Variants in KCNH8 observed in about 807,000 individuals in gnomAD.
KCNH8 encodes the protein potassium voltage-gated channel subfamily H member 8.
Under a neutral mutation model 103.6 loss-of-function variants are expected in KCNH8, and 70 were observed. That is an observed-to-expected ratio of 0.68 (90% CI 0.56 to 0.82). KCNH8 has a LOEUF of 0.82. Ranked by LOEUF, KCNH8 falls within the 40% of genes least tolerant of loss-of-function variation. The pLI, the probability that KCNH8 is intolerant of heterozygous loss-of-function variation, is 0.00. For synonymous variants in KCNH8, 498 were observed against 489.4 expected (o/e 1.02, Z -0.23); for missense variants, 1,217 against 1,329.9 (o/e 0.92, Z 1.32).
Position 19,217,528 on chromosome 3 carries a change from C to T in KCNH8, c.77-36126C>T, listed in dbSNP as rs560807439. Among the ~76,000 whole-genome samples, 3 of 152,236 alleles carry T rather than the reference C, an allele frequency of 2.0e-5. No homozygotes were observed. The East Asian group carries it at 5.8e-4, about 29-fold the overall frequency. On this transcript the variant is annotated intron_variant, in intron 1 of 15. Transcript: ENST00000328405. ...TTAACAAATACTTACATAATATTTA[C>T]AGAGTGCCAAGCATTTCCTAGGCCT...
chr3:19,319,778 T>C (rs1185492163), intron 3 of KCNH8, among the ~76,000 whole-genome samples: 2 of 152,272 alleles, frequency 1.3e-5, no homozygotes, highest in East Asian at 3.9e-4. Flanking sequence ...TTTCACAATA[T>C]TGATTCTACC....
intron 1 of KCNH8, among the ~76,000 whole-genome samples, chr3:19,173,253 A>C (rs1029955368): frequency 1.3e-5 from 2 of 152,064 alleles, no homozygotes; most frequent in African/African-American, 4.8e-5. Flanking sequence ...TGAGACAGTG[A>C]CTTGAAGAAG....
intron 3 of KCNH8, among the ~76,000 whole-genome samples, chr3:19,329,019 T>C (rs760116692): frequency 3.9e-5 from 6 of 152,332 alleles, no homozygotes; most frequent in Non-Finnish European, 8.8e-5. Context: ...GTTTGGTCTT[T>C]CTGTTTCTAA....
intron 3 of KCNH8, among the ~76,000 whole-genome samples, chr3:19,323,095 A>G (rs914556004): frequency 2.0e-5 from 3 of 151,690 alleles, no homozygotes; most frequent in African/African-American, 4.8e-5. Context: ...CATATCCTGT[A>G]TTTTTTTTAT....
At position 19,337,924 on chromosome 3, in the gene KCNH8, G is replaced by A. The variant is rs2065605658; in HGVS notation, c.443-4663G>A. Among the ~76,000 whole-genome samples, 3 of 150,214 alleles carry A rather than the reference G, an allele frequency of 2.0e-5. No individual in the cohort carries two copies. The South Asian group carries it at 6.5e-4, about 33-fold the overall frequency. On this transcript the variant is annotated intron_variant, in intron 3 of 15. Coordinates refer to ENST00000328405, the MANE Select transcript of KCNH8 (RefSeq NM_144633.3). Reference sequence around the variant, plus strand: ...ACCGTAGCTTGCTAATCTCTGCTCTGTTATAGGAAACAAGAAGAGGGTGAG... The same window carrying A: ...ACCGTAGCTTGCTAATCTCTGCTCTATTATAGGAAACAAGAAGAGGGTGAG...
intron 11 of KCNH8, among the ~76,000 whole-genome samples, chr3:19,498,496 C>T (rs776324157): frequency 4.6e-5 from 7 of 152,134 alleles, no homozygotes; most frequent in African/African-American, 9.7e-5. Flanking sequence ...TTCTCCTCCA[C>T]TTATGAAGCT....
chr3:19,225,879 C>A (rs557699696), intron 1 of KCNH8, among the ~76,000 whole-genome samples: 2 of 152,272 alleles, frequency 1.3e-5, no homozygotes, highest in Non-Finnish European at 2.9e-5. Flanking sequence ...CCTCCATAAG[C>A]TATTTTGGCT....
intron 1 of KCNH8, among the ~76,000 whole-genome samples, chr3:19,253,019 A>G (rs1428075485): frequency 6.6e-6 from 1 of 152,150 alleles, no homozygotes; most frequent in African/African-American, 2.4e-5. Flanking sequence ...ATGTGTGGAC[A>G]TTAGTGGATA....
At chr3:19,473,869 T>C (rs1455913979) in intron 11 of KCNH8, among the ~76,000 whole-genome samples, 1 of 151,752 alleles carries the variant, frequency 6.6e-6, no homozygotes, top group Non-Finnish European at 1.5e-5. Flanking sequence ...TCCGTCAACC[T>C]GCAAATATTT....
intron 11 of KCNH8, among the ~76,000 whole-genome samples, chr3:19,459,965 T>C (rs925535052): frequency 1.3e-5 from 2 of 152,110 alleles, no homozygotes; most frequent in African/African-American, 2.4e-5. Context: ...TGTCTCTCTC[T>C]CTCTCTCTCT....
chr3:19,533,238 T>G (rs1196652078), intron 15 of KCNH8, among the ~76,000 whole-genome samples, 157 bp from the exon 16 acceptor site: 1 of 151,492 alleles, frequency 6.6e-6, no homozygotes, highest in African/African-American at 2.4e-5. Context: ...AAAAAAAAAT[T>G]TCTTTTTCAC....
chr3:19,335,991 A>C (rs1443081786), intron 3 of KCNH8, among the ~76,000 whole-genome samples: 1 of 151,574 alleles, frequency 6.6e-6, no homozygotes. Context: ...TTAGAAAAAA[A>C]TGTTGTTTTC....
At chr3:19,477,773 CTATT>C (rs1189969356) in intron 11 of KCNH8, among the ~76,000 whole-genome samples, 2 of 152,084 alleles carry the variant, frequency 1.3e-5, no homozygotes, top group East Asian at 1.9e-4. Flanking sequence ...TTCTTTAAAT[CTATT>C]TATTTATTAT....
At chr3:19,371,557 G>C (rs1381672619) in intron 5 of KCNH8, among the ~76,000 whole-genome samples, 2 of 149,796 alleles carry the variant, frequency 1.3e-5, no homozygotes, top group African/African-American at 2.5e-5. Context: ...CCATTCTGTA[G>C]GTTGCCTGTT....
intron 14 of KCNH8, among the ~76,000 whole-genome samples, chr3:19,517,746 G>A (rs1036221141): frequency 1.3e-5 from 2 of 151,954 alleles, no homozygotes; most frequent in African/African-American, 4.8e-5. Context: ...CGGGGAAATG[G>A]GGTGTTTGCA....
At chr3:19,397,355 AT>A in intron 7 of KCNH8, among the ~76,000 whole-genome samples, 2 of 151,540 alleles carry the variant, frequency 1.3e-5, no homozygotes, top group Non-Finnish European at 1.5e-5. Context: ...GATTTGCAAT[AT>A]TTTTTTTCAC....
chr3:19,273,719 T>C, intron 2 of KCNH8, among the ~76,000 whole-genome samples: 1 of 152,200 alleles, frequency 6.6e-6, no homozygotes, highest in East Asian at 1.9e-4. Flanking sequence ...ACTTAGATAC[T>C]GTAATCACAA....
intron 3 of KCNH8, among the ~76,000 whole-genome samples, chr3:19,331,467 AT>A (rs2065507768): frequency 6.6e-6 from 1 of 151,576 alleles, no homozygotes; most frequent in African/African-American, 2.4e-5. Context: ...AATTTTTTGT[AT>A]TTTTAGTAGA....
intron 11 of KCNH8, among the ~76,000 whole-genome samples, chr3:19,470,866 A>G (rs952253210): frequency 1.3e-5 from 2 of 152,296 alleles, no homozygotes; most frequent in African/African-American, 4.8e-5. Flanking sequence ...TAAAATAAAA[A>G]CATATTAAAT....
Sources: allele counts gnomAD v4.1 joint callset (sites outside exome capture counted in the v4.1 genomes callset), GRCh38; gene constraint gnomAD v4.1.1; transcripts MANE v1.5; gene names NCBI Gene and HGNC (gene_info 2026-07-23, HGNC 2026-07-21).